ZNF529: variants seen among roughly 807,000 people sequenced by gnomAD.
ZNF529 encodes the protein zinc finger protein 529.
A neutral mutation model predicts 10.1 loss-of-function variants in ZNF529; 11 were observed. The ratio of observed to expected loss-of-function variants is 1.09; its 90% confidence interval spans 0.69 to 1.81. ZNF529 has a LOEUF of 1.81. Among genes scored for constraint, ZNF529 ranks in the 40% most tolerant of loss-of-function variants. ZNF529 has a pLI of 0.00. For synonymous variants in ZNF529, 204 were observed against 215.7 expected, an observed-to-expected ratio of 0.95 and a Z score of 0.47; for missense variants, 624 against 666.8, an observed-to-expected ratio of 0.94 and a Z score of 0.71.
rs188225560 is a variant in ZNF529, at chr19:36,591,582, G to A, written c.-127-1881C>T. ...AGAAATACAAAAAAATCAGCCGGGCGTGGTGGTGGGCGCCTGCCTGTAGTC... is the reference window on the plus strand; with the variant it reads ...AGAAATACAAAAAAATCAGCCGGGCATGGTGGTGGGCGCCTGCCTGTAGTC... On this transcript the variant is annotated intron_variant, in intron 1 of 4. Coordinates refer to the ZNF529 transcript ENST00000585960. Among the ~76,000 whole-genome samples the A allele has an allele frequency of 5.5e-3, 833 of 151,790 alleles. 23 individuals carry two copies. The highest frequency in any genetic ancestry group is 0.037 in the Admixed American group (568 of 15,244).
chr19:36,547,851 C>A lies in ZNF529; in HGVS notation c.707G>T (p.Cys236Phe), dbSNP rs763290314. The change falls in exon 5 of 5, where the codon TGT becomes TTT. Residue 236 changes from cysteine (C) to phenylalanine (F), a missense_variant. Coordinates refer to ENST00000591340, the MANE Select transcript of ZNF529 (RefSeq NM_020951.5). ...TACATTAAAGTCTTTATAAAAACTA[C>A]ATGTATTCCCATATTCCATATATTT... ...PCKYMEYGNTCSFYKDFNVYQ... is the reference protein window; with the variant it reads ...PCKYMEYGNTFSFYKDFNVYQ... The A allele has an allele frequency of 7.5e-6, 12 of 1,610,162 alleles. No homozygotes were observed. The highest frequency in any genetic ancestry group is 1.7e-4 in the Middle Eastern group (1 of 6,050).
rs140465904 is a variant in ZNF529 at position 36,586,591 on chromosome 19, C to T, written c.-41+3024G>A. On this transcript the variant is annotated intron_variant, in intron 2 of 4. Transcript: ENST00000585960. ...TTGCACTCCAGCCTGGGCAACAGAG[C>T]GAAAGCGAGACTCCGTCTCAAAAAA... Among the ~76,000 whole-genome samples, 225 of 150,022 alleles carry T rather than the reference C, an allele frequency of 1.5e-3. No homozygotes were observed. The East Asian group carries it at 0.019, about 12-fold the overall frequency.
At chr19:36,561,241 G>A (rs181121367) in intron 2 of ZNF529, among the ~76,000 whole-genome samples, 7 of 152,310 alleles carry the variant, frequency 4.6e-5, no homozygotes, top group Non-Finnish European at 7.3e-5. Flanking sequence ...GGCTGCCGTA[G>A]TTGTGGCTCC....
intron 4 of ZNF529, 41 bp from the exon 5 acceptor site, chr19:36,548,363 T>C: frequency 6.8e-7 from 1 of 1,462,546 alleles, no homozygotes; most frequent in Non-Finnish European, 9.1e-7. Flanking sequence ...ACTACAAAAA[T>C]AAAACAGTTA....
chr19:36,556,316 C>G (rs1455258962), intron 2 of ZNF529, 119 bp from the exon 3 acceptor site: 3 of 643,662 alleles, frequency 4.7e-6, no homozygotes, highest in Non-Finnish European at 8.5e-6. Flanking sequence ...ATGTTAAGAA[C>G]TCTTAGAGTC....
At chr19:36,549,626 C>A (rs2035185426) in intron 4 of ZNF529, among the ~76,000 whole-genome samples, 1 of 152,164 alleles carries the variant, frequency 6.6e-6, no homozygotes, top group South Asian at 2.1e-4. Context: ...TGCTTCTCCA[C>A]CTACACATAT....
rs369725168 is a variant in ZNF529, at chr19:36,546,767, AAGAGAGGG to A, written c.*91_*98del. The A allele has an allele frequency of 8.5e-6, 11 of 1,298,558 alleles. No homozygotes were observed. The highest frequency in any genetic ancestry group is 5.9e-5 in the African/African-American group (4 of 67,350). 80.4% of individuals were successfully genotyped at this position (1,298,558 alleles called of 1,614,324 possible). ...ACCATGAAGTCTAAAAACAGACTTT[AAGAGAGGG>A]AGATACTGAATTGCCTTGATTACCT... is the stretch of plus-strand genomic sequence containing the variant. On this transcript the variant is annotated 3_prime_UTR_variant, in exon 5 of 5. Coordinates refer to ENST00000591340, the MANE Select transcript of ZNF529 (RefSeq NM_020951.5).
intron 3 of ZNF529, 89 bp from the exon 4 acceptor site, chr19:36,554,885 T>C (rs368434594): frequency 7.6e-5 from 94 of 1,235,692 alleles, no homozygotes; most frequent in South Asian, 6.6e-4. Context: ...AGCAAGGGGA[T>C]TGGACAGTAA....
At position 36,548,079 on chromosome 19, in the gene ZNF529, A is replaced by C. The variant is rs759103053; in HGVS notation, c.479T>G (p.Leu160Ter). Residue 160 changes from leucine to a stop codon, truncating the protein, a stop_gained, in exon 5 of 5, where the codon TTA becomes TGA. Coordinates refer to ENST00000591340, the MANE Select transcript of ZNF529 (RefSeq NM_020951.5). LOFTEE classifies it low-confidence loss of function (END_TRUNC). ...CTCACTGTCATGAGTTCTCCGAGGTAAAGTAAGAGATTCATGAGTTTTGTA... is the reference window on the plus strand; with the variant it reads ...CTCACTGTCATGAGTTCTCCGAGGTCAAGTAAGAGATTCATGAGTTTTGTA... ...PSYKTHESLTLPRRTHDSEKP... is the reference protein window; with the variant it reads ...PSYKTHESLT The C allele has an allele frequency of 6.2e-6, 10 of 1,613,796 alleles. No individual in the cohort carries two copies. In the African/African-American group the frequency reaches 1.1e-4, roughly 17 times the overall value.
At chr19:36,573,459 T>A (rs1463997414), upstream of ZNF529, 2 of 470,990 alleles carry the variant, frequency 4.2e-6, no homozygotes, top group Admixed American at 4.7e-5. Flanking sequence ...ACCCTTGCCA[T>A]CAGCAGAGGC....
rs774347676 is a variant in ZNF529 at position 36,547,255 on chromosome 19, T to C, written c.1303A>G (p.Ser435Gly). Reference sequence around the variant, plus strand: ...ATTCTTTCATGTCGAGTAAGTTCACTACCTACTCCAAATGCTTTCTCACAT... The same window carrying C: ...ATTCTTTCATGTCGAGTAAGTTCACCACCTACTCCAAATGCTTTCTCACAT... ...KECEKAFGVGSELTRHERIHS... is the reference protein window; with the variant it reads ...KECEKAFGVGGELTRHERIHS... The change falls in exon 5 of 5, where the codon AGT (serine) becomes GGT (glycine). Residue 435 changes from serine (S) to glycine (G), a missense_variant. Coordinates refer to ENST00000591340, the MANE Select transcript of ZNF529 (RefSeq NM_020951.5). 3 of 1,613,800 alleles carry C rather than the reference T, an allele frequency of 1.9e-6. No individual in the cohort carries two copies. The highest frequency in any genetic ancestry group is 8.5e-7 in the Non-Finnish European group (1 of 1,179,818).
chr19:36,571,675 C>A (rs1163170611), intron 2 of ZNF529, among the ~76,000 whole-genome samples: 163 of 134,738 alleles, frequency 1.2e-3, no homozygotes, highest in South Asian at 2.5e-3. Context: ...AACTCTGTCT[C>A]AAAAAAAAAA....
rs566098592 is a variant in ZNF529, at chr19:36,593,296, C to A, written c.-127-3595G>T. Among the ~76,000 whole-genome samples, 5 of 152,300 alleles carry A rather than the reference C, an allele frequency of 3.3e-5. No homozygotes were observed. In the South Asian group the frequency reaches 8.3e-4, roughly 25 times the overall value. The stretch of plus-strand genomic sequence containing the variant: ...GCTCAGGTGATTCTCCCACCTCAGC[C>A]TCCAGAGTATCGGGGACTACAGGCA... On this transcript the variant is annotated intron_variant, in intron 1 of 4. Transcript: ENST00000585960.
upstream of ZNF529, among the ~76,000 whole-genome samples, chr19:36,576,578 G>A (rs925333738): frequency 3.3e-5 from 5 of 152,122 alleles, no homozygotes; most frequent in East Asian, 5.8e-4. Context: ...TTATCCAGGC[G>A]TAGTGGCCCG....
intron 2 of ZNF529, chr19:36,580,761 C>T (rs1310083836): frequency 1.3e-5 from 2 of 152,120 alleles, no homozygotes; most frequent in Non-Finnish European, 2.9e-5. Flanking sequence ...ATCAGCTCTT[C>T]ATATATGCAG....
chr19:36,564,073 A>G (rs1452883950), intron 2 of ZNF529, among the ~76,000 whole-genome samples: 6 of 152,208 alleles, frequency 3.9e-5, no homozygotes, highest in South Asian at 2.1e-4. Flanking sequence ...GAAGAATGAA[A>G]CTGCACCCGT....
intron 2 of ZNF529, among the ~76,000 whole-genome samples, chr19:36,579,162 T>C (rs139811070): frequency 2.8e-4 from 42 of 151,446 alleles, no homozygotes; most frequent in African/African-American, 9.2e-4. Context: ...GATTGCGCCG[T>C]TGCACTCCAG....
At chr19:36,571,760 T>C (rs1045839000) in intron 2 of ZNF529, among the ~76,000 whole-genome samples, 1 of 151,944 alleles carries the variant, frequency 6.6e-6, no homozygotes, top group Admixed American at 6.6e-5. Context: ...TGTGCTGCTT[T>C]AGACTCAGAC....
chr19:36,553,671 A>T (rs2035349304), intron 4 of ZNF529, among the ~76,000 whole-genome samples: 1 of 152,236 alleles, frequency 6.6e-6, no homozygotes, highest in African/African-American at 2.4e-5. Context: ...CGATTATAAC[A>T]AATCAGGACA....
Sources: gnomAD v4.1 joint callset for allele counts (sites outside exome capture counted in the v4.1 genomes callset) on GRCh38, gnomAD v4.1.1 for gene constraint, MANE v1.5 for transcripts, NCBI Gene and HGNC (gene_info 2026-07-23, HGNC 2026-07-21) for gene names.